Variants in ST18 observed in about 807,000 individuals in gnomAD.
ST18 encodes the protein ST18 C2H2C-type zinc finger transcription factor.
In ST18, 50 loss-of-function variants were observed where a neutral mutation model predicts 110.0. That is an observed-to-expected ratio of 0.45 (90% CI 0.36 to 0.58). ST18 has a LOEUF of 0.58. Among genes scored for constraint, ST18 ranks in the 20% least tolerant of loss-of-function variants. The pLI, the probability that ST18 is intolerant of heterozygous loss-of-function variation, is 0.00. For missense variants in ST18, 1,306 were observed against 1,280.1 expected, an observed-to-expected ratio of 1.02 and a Z score of -0.31; for synonymous variants, 461 against 452.4, an observed-to-expected ratio of 1.02 and a Z score of -0.24.
intron 2 of ST18, 89 bp from the exon 3 acceptor site, chr8:52,230,166 T>C (rs2090877622): frequency 1.3e-5 from 2 of 152,248 alleles, no homozygotes; most frequent in South Asian, 2.1e-4. Flanking sequence ...TTATTAACTA[T>C]ATAAAACCAT....
chr8:52,149,920 G>C lies in ST18; in HGVS notation c.1864C>G (p.Arg622Gly). The C allele has an allele frequency of 6.2e-7, 1 of 1,614,064 alleles. No homozygotes were observed. The highest frequency in any genetic ancestry group is 8.5e-7 in the Non-Finnish European group (1 of 1,179,978). The change falls in exon 16 of 26, where the codon CGA (arginine) becomes GGA (glycine). Residue 622 changes from arginine (R) to glycine (G), a missense_variant. By Grantham distance (125) the Arg-to-Gly change is moderately radical. Transcript: ENST00000689386. ...AGGGGTGCAGACTTGTCCAGGATTC[G>C]ATTTTTTTTCATGCTTAAGTCCAAT... ...GTLDLSMKKNRILDKSAPLTS... is the reference protein window; with the variant it reads ...GTLDLSMKKNGILDKSAPLTS...
chr8:52,195,837 A>C (rs1477419943), intron 8 of ST18, among the ~76,000 whole-genome samples: 5 of 152,198 alleles, frequency 3.3e-5, no homozygotes, highest in Admixed American at 3.3e-4. Flanking sequence ...TTGTATTTCT[A>C]ACCAAAAAAT....
chr8:52,220,974 A>G (rs1174119735), intron 4 of ST18, 126 bp from the exon 5 acceptor site: 1 of 152,248 alleles, frequency 6.6e-6, no homozygotes, highest in Non-Finnish European at 1.5e-5. Flanking sequence ...TGATTGTACT[A>G]CAGTAGAAAT....
chr8:52,223,685 ATT>A (rs1220084466), intron 3 of ST18, among the ~76,000 whole-genome samples: 1 of 150,110 alleles, frequency 6.7e-6, no homozygotes, highest in African/African-American at 2.4e-5. Flanking sequence ...AAAGGATGTG[ATT>A]TTTTTTTTAA....
intron 2 of ST18, among the ~76,000 whole-genome samples, chr8:52,312,417 C>T (rs762851536): frequency 4.6e-5 from 7 of 152,154 alleles, no homozygotes; most frequent in East Asian, 1.9e-4. Flanking sequence ...ACCTCAACTA[C>T]GATAAATCAA....
rs2046960560 is a variant in ST18 at position 52,126,078 on chromosome 8, A to G, written c.2729T>C (p.Met910Thr). 2 of 1,614,170 alleles carry G rather than the reference A, an allele frequency of 1.2e-6. No homozygotes were observed. Residue 910 changes from methionine to threonine, a missense_variant, in exon 23 of 26, where the codon ATG (methionine) becomes ACG (threonine). Met to Thr is a moderately conservative substitution (Grantham distance 81, BLOSUM62 -1). Coordinates refer to ENST00000689386, the MANE Select transcript of ST18 (RefSeq NM_001352837.2). ...CCCAGTTGCTTTGAGCTTGATGGTCATGAGTTCTTCAGAAACCTTGCCCTT... is the reference window on the plus strand; with the variant it reads ...CCCAGTTGCTTTGAGCTTGATGGTCGTGAGTTCTTCAGAAACCTTGCCCTT... ...IKKGKVSEEL[M>T]TIKLKATGGI...
At chr8:52,219,364 C>T (rs573828820) in intron 5 of ST18, among the ~76,000 whole-genome samples, 8 of 152,138 alleles carry the variant, frequency 5.3e-5, no homozygotes, top group South Asian at 4.2e-4. Flanking sequence ...AGAATAGGAG[C>T]GAATTCAGAA....
intron 2 of ST18, among the ~76,000 whole-genome samples, chr8:52,310,900 TG>T (rs2095895017): frequency 1.4e-5 from 1 of 71,572 alleles, no homozygotes; most frequent in African/African-American, 5.0e-5. Flanking sequence ...GCGGGTGGGC[TG>T]GGTGCCACTG....
At position 52,136,891 on chromosome 8, in the gene ST18, A is replaced by G. The variant is rs552408844; in HGVS notation, c.2232-233T>C. On this transcript the variant is annotated intron_variant, in intron 18 of 25. Coordinates refer to ENST00000689386, the MANE Select transcript of ST18 (RefSeq NM_001352837.2). ...TTATCAAATGAATGACTTTAGCCCA[A>G]TGAGACCCCCCAACTCTAAAGCTCA... Among the ~76,000 whole-genome samples, 11 of 152,266 alleles carry G rather than the reference A, an allele frequency of 7.2e-5. No individual in the cohort carries two copies. In the East Asian group the frequency reaches 1.9e-3, roughly 27 times the overall value.
In ST18 at chr8:52,132,073, G is replaced by C; in HGVS notation, c.2551C>G (p.Pro851Ala). ...PLAAKRQKEN[P>A]LNGASLSWKL... ...CAGGAGAGGGAGGCTCCATTGAGAG[G>C]ATTCTCCTTCTGTCTCTTGGCAGCC... Residue 851 changes from proline (P) to alanine (A), a missense_variant, in exon 22 of 26, where the codon CCT (proline) becomes GCT (alanine). Pro to Ala is a conservative substitution (Grantham distance 27). Coordinates refer to ENST00000689386, the MANE Select transcript of ST18 (RefSeq NM_001352837.2). The C allele has an allele frequency of 6.2e-7, 1 of 1,614,208 alleles. No individual in the cohort carries two copies. Among genetic ancestry groups the C allele is most frequent in the East Asian group, 2.2e-5 (1 of 44,880 alleles).
At chr8:52,136,701 A>G in intron 18 of ST18, 43 bp from the exon 19 acceptor site, 4 of 1,524,528 alleles carry the variant, frequency 2.6e-6, no homozygotes, top group Non-Finnish European at 3.6e-6. Flanking sequence ...ACACTGACAT[A>G]TACAAATCTG....
At chr8:52,221,380 G>A (rs754609072) in intron 4 of ST18, among the ~76,000 whole-genome samples, 4 of 152,044 alleles carry the variant, frequency 2.6e-5, no homozygotes, top group Non-Finnish European at 2.9e-5. Context: ...TTAAGTTGTC[G>A]TCCAATGAAA....
At chr8:52,232,691 G>C (rs946770243) in intron 2 of ST18, among the ~76,000 whole-genome samples, 3 of 151,944 alleles carry the variant, frequency 2.0e-5, no homozygotes, top group Non-Finnish European at 2.9e-5. Flanking sequence ...ATATCTCTGT[G>C]ATAAAGCTTT....
In ST18 at chr8:52,326,512, C is replaced by T. The variant is rs184521534; in HGVS notation, c.-465+82816G>A. 3.1e-3 allele frequency among the ~76,000 whole-genome samples: 472 copies of T among 152,214 alleles called. 5 individuals are homozygous for T. The highest frequency in any genetic ancestry group is 0.011 in the African/African-American group (456 of 41,518). On this transcript the variant is annotated intron_variant, in intron 2 of 25. Transcript: ENST00000689386. ...TGAAGCTTGTTCTATATTAAAATGG[C>T]CACAAGTGAGCTATATATTTAGGCA...
intron 2 of ST18, among the ~76,000 whole-genome samples, chr8:52,290,507 A>G (rs892072202): frequency 3.9e-5 from 6 of 152,214 alleles, no homozygotes; most frequent in African/African-American, 1.4e-4. Flanking sequence ...GTTGACGCAT[A>G]CTTGCCCTAT....
chr8:52,249,307 C>G (rs2094108333), intron 2 of ST18: 1 of 152,312 alleles, frequency 6.6e-6, no homozygotes, highest in South Asian at 2.1e-4. Context: ...CACGGTTAGG[C>G]TAAGATCTGT....
At chr8:52,157,963 C>T (rs1402261769) in intron 15 of ST18, among the ~76,000 whole-genome samples, 1 of 152,268 alleles carries the variant, frequency 6.6e-6, no homozygotes, top group Non-Finnish European at 1.5e-5. Flanking sequence ...AACATTTATT[C>T]TCAAGTAAGT....
At chr8:52,182,045 C>A (rs1406723788) in intron 8 of ST18, among the ~76,000 whole-genome samples, 1 of 152,010 alleles carries the variant, frequency 6.6e-6, no homozygotes, top group Non-Finnish European at 1.5e-5. Context: ...CAAAAAAAAT[C>A]CTTGCAAAAT....
chr8:52,390,055 C>T (rs188829188), intron 2 of ST18, among the ~76,000 whole-genome samples: 18 of 152,074 alleles, frequency 1.2e-4, no homozygotes, highest in East Asian at 7.8e-4. Context: ...AGATGGGTAC[C>T]GGGTGGCCAG....
Sources: allele counts gnomAD v4.1 joint callset (sites outside exome capture counted in the v4.1 genomes callset), GRCh38; gene constraint gnomAD v4.1.1; transcripts MANE v1.5; gene names NCBI Gene and HGNC (gene_info 2026-07-23, HGNC 2026-07-21).